ERI1: variants seen among roughly 807,000 people sequenced by gnomAD.
ERI1 encodes 3'-5' exoribonuclease 1.
Under a neutral mutation model 39.7 loss-of-function variants are expected in ERI1, and 39 were observed. The ratio of observed to expected loss-of-function variants is 0.98; its 90% CI spans 0.76 to 1.28. The LOEUF is 1.28. Among genes scored for constraint, ERI1 ranks in the 50% most tolerant of loss-of-function variants. ERI1 has a pLI of 0.00. For synonymous variants in ERI1, 204 were observed against 149.6 expected, an observed-to-expected ratio of 1.36 and a Z score of -2.65; for missense variants, 581 against 416.9, an observed-to-expected ratio of 1.39 and a Z score of -3.43.
chr8:9,051,089 T>C (rs1318605659), intron 3 of ERI1, among the ~76,000 whole-genome samples: 1 of 151,966 alleles, frequency 6.6e-6, no homozygotes, highest in Non-Finnish European at 1.5e-5. Context: ...GTAGGTACGA[T>C]AGATATTAGT....
At chr8:9,019,935 A>G (rs1817705923) in intron 5 of ERI1, among the ~76,000 whole-genome samples, 1 of 152,196 alleles carries the variant, frequency 6.6e-6, no homozygotes, top group South Asian at 2.1e-4. Context: ...ATGTTGTAGC[A>G]GAACAGATTG....
chr8:9,050,978 T>C (rs1798338544), intron 3 of ERI1, among the ~76,000 whole-genome samples: 2 of 152,162 alleles, frequency 1.3e-5, no homozygotes, highest in Non-Finnish European at 1.5e-5. Context: ...TTCATCTGGT[T>C]CTGATCCTGA....
At chr8:9,078,365 A>AC (rs920985049) in intron 3 of ERI1, among the ~76,000 whole-genome samples, 4 of 152,092 alleles carry the variant, frequency 2.6e-5, no homozygotes, top group Non-Finnish European at 5.9e-5. Context: ...ATTTTTACAA[A>AC]CACAAGTATT....
chr8:9,029,779 G>T lies in ERI1; in HGVS notation c.808-13G>T, dbSNP rs200419458. 1 of 1,613,938 alleles carries T rather than the reference G, an allele frequency of 6.2e-7. No individual in the cohort carries two copies. Among genetic ancestry groups the T allele is most frequent in the Non-Finnish European group, 8.5e-7 (1 of 1,179,860 alleles). ...ACACCAAAGAATTATTTACTAAGCTGTTTATTTTTCAGGTTCCTAGAAGCC... is the reference window on the plus strand; with the variant it reads ...ACACCAAAGAATTATTTACTAAGCTTTTTATTTTTCAGGTTCCTAGAAGCC... On this transcript the variant is annotated splice_polypyrimidine_tract_variant and intron_variant, in intron 6 of 6. Coordinates refer to ENST00000250263, the MANE Select transcript of ERI1 (RefSeq NM_153332.4).
At chr8:9,004,379 C>A in intron 1 of ERI1, 1 of 833,254 alleles carries the variant, frequency 1.2e-6, no homozygotes, top group Non-Finnish European at 1.5e-6. Context: ...ATTTGAAAGT[C>A]TTGACACTTT....
chr8:9,025,702 TTGTG>T (rs771883402), intron 6 of ERI1, among the ~76,000 whole-genome samples: 3 of 147,772 alleles, frequency 2.0e-5, no homozygotes, highest in Non-Finnish European at 3.0e-5. Context: ...TCTTTTTTTT[TTGTG>T]TGTGTGTGTG....
chr8:9,016,928 C>T (rs986222743), intron 4 of ERI1, among the ~76,000 whole-genome samples: 5 of 152,202 alleles, frequency 3.3e-5, no homozygotes, highest in Non-Finnish European at 4.4e-5. Context: ...CTCAAGTGTC[C>T]CGCCTCGGCC....
downstream of ERI1, among the ~76,000 whole-genome samples, chr8:9,034,662 A>G (rs1797783758): frequency 6.6e-6 from 1 of 152,178 alleles, no homozygotes; most frequent in African/African-American, 2.4e-5. Context: ...CCTGAGACAC[A>G]ATATTGAAAT....
intron 6 of ERI1, among the ~76,000 whole-genome samples, chr8:9,022,051 G>C (rs973436680): frequency 6.6e-6 from 1 of 151,698 alleles, no homozygotes; most frequent in Non-Finnish European, 1.5e-5. Flanking sequence ...GTACATCATT[G>C]ACATTACTAG....
At chr8:9,044,419 A>G (rs1209105204) in intron 3 of ERI1, among the ~76,000 whole-genome samples, 1 of 152,180 alleles carries the variant, frequency 6.6e-6, no homozygotes, top group African/African-American at 2.4e-5. Flanking sequence ...CGACCAGGTC[A>G]GCAGACACAT....
intron 1 of ERI1, among the ~76,000 whole-genome samples, chr8:9,006,507 C>T (rs1026890486): frequency 7.9e-5 from 12 of 152,132 alleles, no homozygotes; most frequent in Admixed American, 5.2e-4. Context: ...TTAATGTTGA[C>T]CTAAATTTTA....
Position 9,003,087 on chromosome 8 carries a change from G to A in ERI1, c.24G>A (p.Glu8=). 8.0e-7 allele frequency: 1 copy of A among 1,248,224 alleles called. No homozygotes were observed. Among genetic ancestry groups the A allele is most frequent in the Non-Finnish European group, 1.0e-6 (1 of 989,244 alleles). The allele number at this position is 1,248,224 out of a possible 1,614,324, so 77.3% of individuals were successfully genotyped here. A position where few individuals can be genotyped will look rare whatever the true frequency, so the allele number is the denominator to read the frequency against. The stretch of plus-strand genomic sequence containing the variant: ...GCATGGAGGATCCACAGAGTAAAGA[G>A]CCTGCCGGCGAGGCCGTGGCTCTCG... The part of the protein sequence containing the change: MEDPQSK[E]PAGEAVALAL... Residue 8 remains glutamate (E), a synonymous_variant, in exon 1 of 7, where the codon GAG becomes GAA. Transcript: ENST00000250263.
In ERI1 at chr8:9,040,278, C is replaced by G. The variant is rs571189539; in HGVS notation, n.299+19814C>G. ...CATATTCACATTTTGAATATCCTAACAAGTCCCCAAACATCCCCATTTCTA... is the reference window on the plus strand; with the variant it reads ...CATATTCACATTTTGAATATCCTAAGAAGTCCCCAAACATCCCCATTTCTA... On this transcript the variant is annotated intron_variant and non_coding_transcript_variant, in intron 3 of 3. Transcript: ENST00000518663. 4.6e-4 allele frequency among the ~76,000 whole-genome samples: 70 copies of G among 152,316 alleles called. 1 individual carries two copies. In the Middle Eastern group the frequency reaches 0.017, roughly 37 times the overall value.
intron 1 of ERI1, among the ~76,000 whole-genome samples, chr8:9,007,731 T>A (rs1816172024): frequency 6.6e-6 from 1 of 152,152 alleles, no homozygotes; most frequent in African/African-American, 2.4e-5. Context: ...TCTTTTTACT[T>A]AGCTTTGTTT....
At chr8:9,068,276 C>T (rs900749328) in intron 3 of ERI1, among the ~76,000 whole-genome samples, 8 of 152,196 alleles carry the variant, frequency 5.3e-5, no homozygotes, top group Admixed American at 2.0e-4. Flanking sequence ...TCATGTGGCT[C>T]TCCTGCCCTT....
intron 3 of ERI1, among the ~76,000 whole-genome samples, chr8:9,041,313 AAGAG>A (rs1449726742): frequency 6.6e-6 from 1 of 152,162 alleles, no homozygotes; most frequent in Non-Finnish European, 1.5e-5. Context: ...GTATTCTCCC[AAGAG>A]AGAATACAAG....
chr8:9,087,179 T>C (rs146069035), intron 3 of ERI1, among the ~76,000 whole-genome samples: 51 of 152,114 alleles, frequency 3.4e-4, no homozygotes, highest in African/African-American at 1.2e-3. Flanking sequence ...CAGGTATTTG[T>C]CCTAATGCTC....
intron 3 of ERI1, chr8:9,088,372 A>G (rs1239191813): frequency 6.6e-6 from 1 of 152,168 alleles, no homozygotes; most frequent in Non-Finnish European, 1.5e-5. Flanking sequence ...GAACTATTTA[A>G]TGTCGCTGAA....
At chr8:9,043,590 AATAG>A (rs1168299703) in intron 3 of ERI1, among the ~76,000 whole-genome samples, 2 of 152,216 alleles carry the variant, frequency 1.3e-5, no homozygotes, top group African/African-American at 2.4e-5. Context: ...GAAACTTTTA[AATAG>A]ATAGTTCTAG....
Sources: gnomAD v4.1 joint callset for allele counts (sites outside exome capture counted in the v4.1 genomes callset) on GRCh38, gnomAD v4.1.1 for gene constraint, MANE v1.5 for transcripts, NCBI Gene and HGNC (gene_info 2026-07-23, HGNC 2026-07-21) for gene names.